CATSPERE: variants seen among roughly 807,000 people sequenced by gnomAD.
CATSPERE encodes the protein cation channel sperm-associated auxiliary subunit epsilon.
CATSPERE carries 93 observed loss-of-function variants against 114.1 expected under a neutral mutation model. That is an observed-to-expected ratio of 0.81 (90% CI 0.69 to 0.97). The LOEUF is 0.97. Among genes scored for constraint, CATSPERE ranks in the 50% least tolerant of loss-of-function variants. The pLI is 0.00. For missense variants in CATSPERE, 1,058 were observed against 1,131.6 expected (o/e 0.93, Z 0.93); for synonymous variants, 341 against 384.1 (o/e 0.89, Z 1.31).
At chr1:244,453,984 T>C (rs571224755), upstream of CATSPERE, among the ~76,000 whole-genome samples, 5 of 152,324 alleles carry the variant, frequency 3.3e-5, no homozygotes, top group East Asian at 5.8e-4. Flanking sequence ...AGAAGGAGAA[T>C]AGGAGGATAG....
rs181679671 is a variant in CATSPERE at position 244,560,721 on chromosome 1, C to T, written c.1083C>T (p.Leu361=). The T allele has an allele frequency of 1.2e-5, 20 of 1,613,628 alleles. No individual in the cohort carries two copies. In the East Asian group the frequency reaches 2.0e-4, roughly 16 times the overall value. The stretch of plus-strand genomic sequence containing the variant: ...TCTGGACAGAAAATGAAATTTACCT[C>T]GGATCCATTCTTCTTAAGTTTGCCA... ...FAVWTENEIY[L]GSILLKFARL... The change falls in exon 10 of 22, where the codon CTC becomes CTT. Residue 361 remains leucine (L), a synonymous_variant. Coordinates refer to ENST00000366534, the MANE Select transcript of CATSPERE (RefSeq NM_001130957.2).
chr1:244,468,266 G>T (rs1667936132), intron 2 of CATSPERE, among the ~76,000 whole-genome samples: 1 of 151,720 alleles, frequency 6.6e-6, no homozygotes, highest in South Asian at 2.1e-4. Flanking sequence ...CTAATTTTTT[G>T]TATTTTTAGT....
chr1:244,558,893 C>CT (rs560742026), intron 9 of CATSPERE, among the ~76,000 whole-genome samples: 130 of 152,290 alleles, frequency 8.5e-4, no homozygotes, highest in African/African-American at 3.0e-3. Flanking sequence ...TCTCCACTCC[C>CT]TTACCCCACT....
At chr1:244,531,970 CT>C (rs1385507305) in intron 8 of CATSPERE, among the ~76,000 whole-genome samples, 1 of 152,104 alleles carries the variant, frequency 6.6e-6, no homozygotes, top group Non-Finnish European at 1.5e-5. Context: ...CTTTTCTTTG[CT>C]GGGAGACTTT....
At chr1:244,581,634 C>A (rs1473370783) in intron 11 of CATSPERE, among the ~76,000 whole-genome samples, 162 bp from the exon 12 acceptor site, 2 of 152,136 alleles carry the variant, frequency 1.3e-5, no homozygotes, top group African/African-American at 4.8e-5. Flanking sequence ...ACCTGTCTAT[C>A]CACCAGTCAA....
intron 8 of CATSPERE, among the ~76,000 whole-genome samples, chr1:244,537,451 TTGTC>T: frequency 6.6e-6 from 1 of 152,288 alleles, no homozygotes; most frequent in South Asian, 2.1e-4. Context: ...TGTGATGTCT[TTGTC>T]TGGTTTTGGT....
At position 244,573,433 on chromosome 1, in the gene CATSPERE, A is replaced by AAAACAAAACAAAACG. The variant is rs1213294093; in HGVS notation, c.1950+674_1950+675insCGAAACAAAACAAAA. Among the ~76,000 whole-genome samples the AAAACAAAACAAAACG allele has an allele frequency of 6.6e-6, 1 of 152,096 alleles. No individual in the cohort carries two copies. The highest frequency in any genetic ancestry group is 1.9e-4 in the East Asian group (1 of 5,194). ...CTCAAAAAACAAAACAAAACAAAAC[A>AAAACAAAACAAAACG]AAACAAAACAAAAAAACCAATTCTA... On this transcript the variant is annotated intron_variant, in intron 11 of 21. Transcript: ENST00000366534. The surrounding 1 kb of genome is among the most constrained non-coding windows in gnomAD (Gnocchi z 4.0).
intron 20 of CATSPERE, among the ~76,000 whole-genome samples, chr1:244,624,454 A>G (rs1417646890): frequency 6.6e-6 from 1 of 152,146 alleles, no homozygotes; most frequent in East Asian, 1.9e-4. Flanking sequence ...TATGATAAAC[A>G]CTTTGTTATT....
intron 9 of CATSPERE, among the ~76,000 whole-genome samples, chr1:244,553,437 CCTACAGT>C (rs1279696518): frequency 2.0e-5 from 3 of 151,224 alleles, no homozygotes; most frequent in Non-Finnish European, 4.4e-5. Flanking sequence ...TAGGTGGGTG[CCTACAGT>C]GCCTGTAGTG....
At chr1:244,493,876 G>A (rs1672649020) in intron 6 of CATSPERE, among the ~76,000 whole-genome samples, 1 of 152,210 alleles carries the variant, frequency 6.6e-6, no homozygotes, top group Admixed American at 6.5e-5. Context: ...GGCCATCAGA[G>A]AAATGCAAAT....
rs1233234647 is a variant in CATSPERE, at chr1:244,560,326, A to C, written c.1030-342A>C. On this transcript the variant is annotated intron_variant, in intron 9 of 21. Coordinates refer to ENST00000366534, the MANE Select transcript of CATSPERE (RefSeq NM_001130957.2). ...TAAATGTAGCAAATTAGAAGATGGAAGTTGTTAGACCTTGGTAGCTAAGGT... is the reference window on the plus strand; with the variant it reads ...TAAATGTAGCAAATTAGAAGATGGACGTTGTTAGACCTTGGTAGCTAAGGT... Among the ~76,000 whole-genome samples the C allele has an allele frequency of 4.3e-5, 6 of 140,506 alleles. No homozygotes were observed. In the Admixed American group the frequency reaches 4.5e-4, roughly 11 times the overall value. The allele number at this position is 140,506 out of a possible 152,430, so 92.2% of individuals were successfully genotyped here.
At chr1:244,483,791 C>T (rs1162671289) in intron 5 of CATSPERE, among the ~76,000 whole-genome samples, 1 of 152,052 alleles carries the variant, frequency 6.6e-6, no homozygotes, top group Non-Finnish European at 1.5e-5. Flanking sequence ...TCCTATTGAT[C>T]AGAGAGGTCT....
intron 8 of CATSPERE, among the ~76,000 whole-genome samples, chr1:244,539,026 C>T (rs1009440479): frequency 5.3e-5 from 8 of 152,148 alleles, no homozygotes; most frequent in Non-Finnish European, 1.0e-4. Context: ...CCATCTAGCC[C>T]CAGCATTCTC....
intron 6 of CATSPERE, among the ~76,000 whole-genome samples, chr1:244,492,474 C>T (rs1672372254): frequency 6.8e-6 from 1 of 147,674 alleles, no homozygotes; most frequent in East Asian, 2.0e-4. Flanking sequence ...TATGACAAAC[C>T]CACAGCCAAT....
At chr1:244,537,394 T>C (rs1680543243) in intron 8 of CATSPERE, among the ~76,000 whole-genome samples, 1 of 152,232 alleles carries the variant, frequency 6.6e-6, no homozygotes, top group South Asian at 2.1e-4. Flanking sequence ...GGTGTGCAAT[T>C]CTTTTTACCC....
chr1:244,628,129 T>G (rs1303060787), intron 20 of CATSPERE, among the ~76,000 whole-genome samples: 2 of 152,250 alleles, frequency 1.3e-5, no homozygotes, highest in African/African-American at 4.8e-5. Context: ...TTGTTCTATT[T>G]TATTACTAGT....
chr1:244,558,576 A>G (rs900720535), intron 9 of CATSPERE, among the ~76,000 whole-genome samples: 1 of 152,164 alleles, frequency 6.6e-6, no homozygotes, highest in African/African-American at 2.4e-5. Flanking sequence ...ACAACATTCC[A>G]GAGACCTCTT....
At chr1:244,592,318 T>A (rs927998981) in intron 15 of CATSPERE, among the ~76,000 whole-genome samples, 1 of 152,176 alleles carries the variant, frequency 6.6e-6, no homozygotes, top group African/African-American at 2.4e-5. Context: ...TTTCTAGATT[T>A]TATATTTAAT....
At chr1:244,618,464 G>A (rs1204222387) in intron 20 of CATSPERE, among the ~76,000 whole-genome samples, 2 of 152,168 alleles carry the variant, frequency 1.3e-5, no homozygotes, top group Non-Finnish European at 1.5e-5. Flanking sequence ...AAATTAGCCT[G>A]AGAATAGCAG....
Sources: allele counts gnomAD v4.1 joint callset (sites outside exome capture counted in the v4.1 genomes callset), GRCh38; gene constraint gnomAD v4.1.1; non-coding constraint Gnocchi (gnomAD v3.1); transcripts MANE v1.5; gene names NCBI Gene and HGNC (gene_info 2026-07-23, HGNC 2026-07-21).